Variants in SPTBN1 observed in about 807,000 individuals in gnomAD.
SPTBN1 encodes the protein spectrin beta, non-erythrocytic 1.
A neutral mutation model predicts 266.4 loss-of-function variants in SPTBN1; 32 were observed. That is an observed-to-expected ratio of 0.12 (90% CI 0.09 to 0.16). The LOEUF is 0.16. Among genes scored for constraint, SPTBN1 ranks in the 10% least tolerant of loss-of-function variants. SPTBN1 has a pLI of 1.00. For missense variants in SPTBN1, 2,296 were observed against 3,067.1 expected, an observed-to-expected ratio of 0.75 and a Z score of 5.94; for synonymous variants, 1,336 against 1,162.2, an observed-to-expected ratio of 1.15 and a Z score of -3.04.
At chr2:54,463,987 G>A (rs1282754532) in intron 1 of SPTBN1, among the ~76,000 whole-genome samples, 2 of 152,224 alleles carry the variant, frequency 1.3e-5, no homozygotes, top group East Asian at 3.8e-4. Context: ...ACTCACCAGT[G>A]TATGAAATAC....
At chr2:54,528,811 GAAGAAACCAGGGCAA>G (rs1671005123) in intron 2 of SPTBN1, 2 of 152,166 alleles carry the variant, frequency 1.3e-5, no homozygotes, top group African/African-American at 4.8e-5. Flanking sequence ...CTGTGGTCTA[GAAGAAACCAGGGCAA>G]AATATTGAAA....
In SPTBN1 at chr2:54,670,023, T is replaced by C. The variant is rs996331502; in HGVS notation, c.*1454T>C. ...CGTAACTGTCTCTGTTGCTCAATTCTGCTGTTGCGTAATACAAAGGCAGCC... is the reference window on the plus strand; with the variant it reads ...CGTAACTGTCTCTGTTGCTCAATTCCGCTGTTGCGTAATACAAAGGCAGCC... On this transcript the variant is annotated 3_prime_UTR_variant, in exon 36 of 36. Transcript: ENST00000356805. 2 of 152,240 alleles carry C rather than the reference T, an allele frequency of 1.3e-5. No individual in the cohort carries two copies. Among genetic ancestry groups the C allele is most frequent in the Middle Eastern group, 3.2e-3 (1 of 316 alleles). The allele number at this position is 152,240 out of a possible 1,614,324, so 9.4% of individuals were successfully genotyped here.
At chr2:54,574,127 A>G (rs934944547) in intron 2 of SPTBN1, among the ~76,000 whole-genome samples, 2 of 152,130 alleles carry the variant, frequency 1.3e-5, no homozygotes, top group Admixed American at 6.5e-5. Context: ...TCCAGTAACA[A>G]TAGCCAACAT....
rs770330186 is a variant in SPTBN1 at position 54,637,676 on chromosome 2, C to T, written c.3768-37C>T. The T allele has an allele frequency of 2.0e-6, 3 of 1,506,608 alleles. No homozygotes were observed. The Admixed American group carries it at 5.2e-5, about 26-fold the overall frequency. The allele number at this position is 1,506,608 out of a possible 1,614,324, so 93.3% of individuals were successfully genotyped here. A position where few individuals can be genotyped will look rare whatever the true frequency, so the allele number is the denominator to read the frequency against. On this transcript the variant is annotated intron_variant, in intron 17 of 35. Coordinates refer to ENST00000356805, the MANE Select transcript of SPTBN1 (RefSeq NM_003128.3). ...TTCTGTATTTCAAGATTCTCTACTT[C>T]CTTTTTTAAAAATTATTTTTGTTAC...
chr2:54,631,254 G>T lies in SPTBN1; in HGVS notation c.3207G>T (p.Arg1069=), dbSNP rs776516673. 8.7e-6 allele frequency: 14 copies of T among 1,614,208 alleles called. No homozygotes were observed. The highest frequency in any genetic ancestry group is 1.2e-5 in the Non-Finnish European group (14 of 1,180,014). The change falls in exon 16 of 36, where the codon CGG becomes CGT. Residue 1069 remains arginine, a synonymous_variant. Transcript: ENST00000356805. ...CCAGCAAGCTGCAGCAGTTCCTACG[G>T]GACTTGGACGACTTCCAGTCCTGGC... ...GEASKLQQFL[R]DLDDFQSWLS... is the part of the protein sequence containing the mutation.
intron 1 of SPTBN1, among the ~76,000 whole-genome samples, chr2:54,506,456 G>A (rs868567116): frequency 6.6e-6 from 1 of 150,738 alleles, no homozygotes; most frequent in Admixed American, 6.6e-5. Context: ...TTATCTGTTT[G>A]GTTTTTTTTT....
rs1672351587 is a variant in SPTBN1, at chr2:54,548,036, G to A, written c.148+21470G>A. The stretch of plus-strand genomic sequence containing the variant: ...CGGGTGCCTATAGTTCCAGCTACTT[G>A]GGAGGCTGAGGCAGGAGAATGGCAT... On this transcript the variant is annotated intron_variant, in intron 2 of 35. Coordinates refer to ENST00000356805, the MANE Select transcript of SPTBN1 (RefSeq NM_003128.3). Among the ~76,000 whole-genome samples, 3 of 152,276 alleles carry A rather than the reference G, an allele frequency of 2.0e-5. No individual in the cohort carries two copies. In the South Asian group the frequency reaches 6.2e-4, roughly 32 times the overall value.
chr2:54,522,769 A>G (rs1670562928), intron 1 of SPTBN1, among the ~76,000 whole-genome samples: 2 of 151,042 alleles, frequency 1.3e-5, no homozygotes, highest in Admixed American at 1.3e-4. Context: ...CAGTGATAGA[A>G]AGAGAGATTC....
intron 1 of SPTBN1, among the ~76,000 whole-genome samples, chr2:54,516,962 C>T (rs1471820063): frequency 1.3e-5 from 2 of 152,082 alleles, no homozygotes; most frequent in Non-Finnish European, 2.9e-5. Flanking sequence ...GGCAATTGGT[C>T]GAAAGAGTCA....
chr2:54,491,668 C>T (rs4671943), intron 1 of SPTBN1, among the ~76,000 whole-genome samples: 33,275 of 152,054 alleles, frequency 0.22, 4,672 homozygotes, highest in East Asian at 0.37. Flanking sequence ...CACTTCACTG[C>T]AGTCTCAACC....
chr2:54,557,906 C>G, intron 2 of SPTBN1: 1 of 984,836 alleles, frequency 1.0e-6, no homozygotes, highest in Non-Finnish European at 1.2e-6. Context: ...CTCGCCGGGC[C>G]GCCGCCGCGT....
At chr2:54,661,127 G>T in intron 32 of SPTBN1, 1 of 985,306 alleles carries the variant, frequency 1.0e-6, no homozygotes, top group South Asian at 4.7e-5. Flanking sequence ...CTGATTCATT[G>T]TTCATTTTCT....
At chr2:54,600,240 TG>T (rs1204193829) in intron 3 of SPTBN1, among the ~76,000 whole-genome samples, 6 of 152,224 alleles carry the variant, frequency 3.9e-5, no homozygotes, top group African/African-American at 1.4e-4. Context: ...AGAGACAGAC[TG>T]CCTCTTTGAG....
At chr2:54,630,712 A>T in intron 15 of SPTBN1, 143 bp from the exon 16 acceptor site, 1 of 973,988 alleles carries the variant, frequency 1.0e-6, no homozygotes, top group Non-Finnish European at 1.5e-6. Context: ...AGTTTGAGTG[A>T]GATGATTTTC....
rs1465838491 is a variant in SPTBN1 at position 54,465,637 on chromosome 2, CTCATATATATATATAT to C, written c.-48+9120_-48+9135del. Among the ~76,000 whole-genome samples the C allele has an allele frequency of 1.0e-3, 94 of 89,748 alleles. 8 individuals carry two copies. Among genetic ancestry groups the C allele is most frequent in the East Asian group, 3.4e-3 (10 of 2,904 alleles). The allele number at this position is 89,748 out of a possible 152,430, so 58.9% of individuals were successfully genotyped here. A position where few individuals can be genotyped will look rare whatever the true frequency, so the allele number is the denominator to read the frequency against. ...TATGATGCATACATATCATGTTTAT[CTCATATATATATATAT>C]ATATATATATATATATCTCACACAT... On this transcript the variant is annotated intron_variant, in intron 1 of 35. Coordinates refer to ENST00000356805, the MANE Select transcript of SPTBN1 (RefSeq NM_003128.3).
chr2:54,639,501 AAAG>A (rs1679382643), intron 18 of SPTBN1, among the ~76,000 whole-genome samples: 1 of 152,212 alleles, frequency 6.6e-6, no homozygotes, highest in South Asian at 2.1e-4. Flanking sequence ...AATCTAAGAA[AAAG>A]AAGACCAGGG....
intron 1 of SPTBN1, among the ~76,000 whole-genome samples, chr2:54,459,980 A>G (rs191714200): frequency 2.6e-5 from 4 of 152,348 alleles, no homozygotes; most frequent in African/African-American, 9.6e-5. Context: ...TGGTTAAAGG[A>G]AATTACACCA....
chr2:54,462,596 T>C (rs184263691), intron 1 of SPTBN1, among the ~76,000 whole-genome samples: 15 of 152,324 alleles, frequency 9.8e-5, no homozygotes, highest in African/African-American at 1.9e-4. Flanking sequence ...GAAGTTGTTA[T>C]GGTTTTGTGG....
At chr2:54,576,073 G>GT (rs1674449935) in intron 2 of SPTBN1, among the ~76,000 whole-genome samples, 5 of 4,834 alleles carry the variant, frequency 1.0e-3, no homozygotes, top group Non-Finnish European at 2.0e-3. Context: ...TTTTTTTTTT[G>GT]AGAGACAGTC....
Sources: allele counts gnomAD v4.1 joint callset (sites outside exome capture counted in the v4.1 genomes callset), GRCh38; gene constraint gnomAD v4.1.1; transcripts MANE v1.5; gene names NCBI Gene and HGNC (gene_info 2026-07-23, HGNC 2026-07-21).